SFI1: variants seen among roughly 807,000 people sequenced by gnomAD.
The protein encoded by SFI1 is protein SFI1 homolog.
A neutral mutation model predicts 207.5 loss-of-function variants in SFI1; 195 were observed. The observed-to-expected ratio is 0.94, with a 90% CI of 0.84 to 1.06. The LOEUF is 1.06. Ranked by LOEUF, SFI1 falls within the 50% of genes least tolerant of loss-of-function variation. SFI1 has a pLI of 0.00. For missense variants in SFI1, 1,634 were observed against 1,588.0 expected, an observed-to-expected ratio of 1.03 and a Z score of -0.49; for synonymous variants, 630 against 598.9, an observed-to-expected ratio of 1.05 and a Z score of -0.76.
At chr22:31,497,004 C>T (rs62236230) in intron 1 of SFI1, among the ~76,000 whole-genome samples, 6,873 of 152,304 alleles carry the variant, frequency 0.045, 148 homozygotes, top group African/African-American at 0.057. Flanking sequence ...GGGTTTCCTC[C>T]TCCCGGCTCC....
intron 11 of SFI1, among the ~76,000 whole-genome samples, chr22:31,579,767 A>T (rs2063899380): frequency 6.6e-6 from 1 of 152,126 alleles, no homozygotes. Context: ...GGCATTATTG[A>T]TGGAGCTGGA....
intron 15 of SFI1, among the ~76,000 whole-genome samples, chr22:31,598,037 G>T (rs1476313550): frequency 6.6e-6 from 1 of 151,686 alleles, no homozygotes; most frequent in Non-Finnish European, 1.5e-5. Context: ...GAGTGCAGTG[G>T]CGTGATCTTG....
intron 7 of SFI1, among the ~76,000 whole-genome samples, chr22:31,560,247 C>T (rs1014927068): frequency 4.7e-5 from 7 of 148,190 alleles, no homozygotes; most frequent in South Asian, 2.3e-4. Flanking sequence ...AGAGCAAATT[C>T]GAAAATTAGT....
At chr22:31,617,867 A>G (rs937771418) in intron 31 of SFI1, among the ~76,000 whole-genome samples, 15 of 152,152 alleles carry the variant, frequency 9.9e-5, no homozygotes, top group African/African-American at 3.6e-4. Flanking sequence ...GAGAGAGACA[A>G]GGAGTGTGTT....
intron 15 of SFI1, among the ~76,000 whole-genome samples, chr22:31,597,781 G>A (rs2067363924): frequency 1.3e-5 from 2 of 151,912 alleles, no homozygotes; most frequent in Admixed American, 6.6e-5. Context: ...ATATTCTTAG[G>A]GTATTTTTTA....
intron 15 of SFI1, among the ~76,000 whole-genome samples, chr22:31,598,729 T>C: frequency 7.4e-6 from 1 of 135,524 alleles, no homozygotes; most frequent in Non-Finnish European, 1.6e-5. Flanking sequence ...TTTTTTTTTT[T>C]TTTTTTTTTT....
intron 6 of SFI1, among the ~76,000 whole-genome samples, chr22:31,551,611 G>C (rs934372328): frequency 6.6e-6 from 1 of 152,056 alleles, no homozygotes. Context: ...TTGTATTTTT[G>C]GTAGAGATGG....
intron 14 of SFI1, among the ~76,000 whole-genome samples, chr22:31,588,296 G>A (rs1163434122): frequency 6.6e-6 from 1 of 152,210 alleles, no homozygotes; most frequent in Non-Finnish European, 1.5e-5. Context: ...CTTACAGCAT[G>A]GTGGCCTTGG....
chr22:31,587,322 A>G (rs113890262), intron 14 of SFI1: 1 of 127,260 alleles, frequency 7.9e-6, no homozygotes, highest in Non-Finnish European at 1.5e-5. Context: ...TTTGTTTTTG[A>G]GACAGGTTTC....
chr22:31,571,714 T>G (rs1300563362), intron 8 of SFI1, among the ~76,000 whole-genome samples: 1 of 152,156 alleles, frequency 6.6e-6, no homozygotes, highest in Non-Finnish European at 1.5e-5. Flanking sequence ...AAGTTTATCT[T>G]AAAGTGTATA....
chr22:31,611,682 C>A, intron 23 of SFI1, 84 bp from the exon 24 acceptor site: 1 of 1,342,996 alleles, frequency 7.4e-7, no homozygotes, highest in South Asian at 1.3e-5. Context: ...TTCAGCTGGG[C>A]AGAGGCTGGG....
At position 31,615,040 on chromosome 22, in the gene SFI1, G is replaced by A. The variant is rs2071161449; in HGVS notation, c.3069-8G>A. The A allele has an allele frequency of 6.2e-7, 1 of 1,611,862 alleles. No homozygotes were observed. The highest frequency in any genetic ancestry group is 8.5e-7 in the Non-Finnish European group (1 of 1,179,496). On this transcript the variant is annotated splice_polypyrimidine_tract_variant and splice_region_variant and intron_variant, in intron 28 of 32. Transcript: ENST00000400288. ...GCCTGACCAGGCTCTTGCCTTCCCT[G>A]TGCTCAGGCCTCAGAAGCCACAGGA... is the stretch of plus-strand genomic sequence containing the variant.
chr22:31,613,706 C>G lies in SFI1; in HGVS notation c.2847C>G (p.Pro949=). 6.2e-7 allele frequency: 1 copy of G among 1,612,898 alleles called. No homozygotes were observed. The highest frequency in any genetic ancestry group is 8.5e-7 in the Non-Finnish European group (1 of 1,179,784). The stretch of plus-strand genomic sequence containing the variant: ...CTCAGCCCCTGGCAGCCATCGCACC[C>G]AGCAGGAAAGTGACGTTTGAGGGTC... ...GKPQPLAAIA[P]SRKVTFEGPL... The change falls in exon 27 of 33, where the codon CCC becomes CCG. Residue 949 remains proline, a synonymous_variant. Coordinates refer to ENST00000400288, the MANE Select transcript of SFI1 (RefSeq NM_001007467.3).
chr22:31,584,420 A>G (rs2064754544), intron 13 of SFI1, among the ~76,000 whole-genome samples: 1 of 152,180 alleles, frequency 6.6e-6, no homozygotes, highest in African/African-American at 2.4e-5. Context: ...TATAGGGTGG[A>G]AAGTATAAAG....
In SFI1 at chr22:31,618,194, G is replaced by A. The variant is rs753825292; in HGVS notation, c.3592G>A (p.Val1198Ile). Residue 1198 changes from valine (V) to isoleucine (I), a missense_variant, in exon 32 of 33, where the codon GTA becomes ATA. By Grantham distance (29) the Val-to-Ile change is conservative. Coordinates refer to ENST00000400288, the MANE Select transcript of SFI1 (RefSeq NM_001007467.3). Reference sequence around the variant, plus strand: ...GGAGCCGGGGCCTGAGGACCAGGAAGTAGAGCAGCAGGTGCAGAAAGAGCT... The same window carrying A: ...GGAGCCGGGGCCTGAGGACCAGGAAATAGAGCAGCAGGTGCAGAAAGAGCT... ...REEPGPEDQEVEQQVQKELEQ... is the reference protein window; with the variant it reads ...REEPGPEDQEIEQQVQKELEQ... 30 of 1,597,338 alleles carry A rather than the reference G, an allele frequency of 1.9e-5. No individual in the cohort carries two copies. In the East Asian group the frequency reaches 5.6e-4, roughly 30 times the overall value.
intron 2 of SFI1, among the ~76,000 whole-genome samples, chr22:31,525,553 C>T (rs1479024705): frequency 6.6e-6 from 1 of 152,034 alleles, no homozygotes; most frequent in Middle Eastern, 3.2e-3. Flanking sequence ...GTGGCAAAAC[C>T]CCATCTCTAC....
intron 23 of SFI1, 79 bp downstream of exon 23, chr22:31,611,382 A>AG: frequency 6.8e-7 from 1 of 1,473,880 alleles, no homozygotes; most frequent in Non-Finnish European, 9.0e-7. Flanking sequence ...TTTCTCAGGA[A>AG]GGGGTCTTTC....
At chr22:31,545,075 AT>A (rs1188466591) in intron 4 of SFI1, among the ~76,000 whole-genome samples, 2 of 152,088 alleles carry the variant, frequency 1.3e-5, no homozygotes, top group African/African-American at 4.8e-5. Context: ...AACTAAAAAA[AT>A]TTAGGGGGGG....
chr22:31,584,090 T>C lies in SFI1; in HGVS notation c.1346+118T>C. The C allele has an allele frequency of 1.3e-5, 11 of 847,236 alleles. 1 individual carries two copies. The South Asian group carries it at 1.5e-4, about 12-fold the overall frequency. 52.5% of individuals were successfully genotyped at this position (847,236 alleles called of 1,614,324 possible). A position where few individuals can be genotyped will look rare whatever the true frequency, so the allele number is the denominator to read the frequency against. On this transcript the variant is annotated intron_variant, in intron 13 of 32. Transcript: ENST00000400288. The stretch of plus-strand genomic sequence containing the variant: ...GTGTGGCAGATTCAGAAAGGCCTGC[T>C]GGGGTGGAGGTCCTGCTGTAAACCA...
Sources: gnomAD v4.1 joint callset for allele counts (sites outside exome capture counted in the v4.1 genomes callset) on GRCh38, gnomAD v4.1.1 for gene constraint, MANE v1.5 for transcripts, NCBI Gene and HGNC (gene_info 2026-07-23, HGNC 2026-07-21) for gene names.